SPMIP4: variants seen among roughly 807,000 people sequenced by gnomAD.
SPMIP4 encodes the protein sperm-associated microtubule inner protein 4.
the SPMIP4 span, among the ~76,000 whole-genome samples, chr7:25,161,701 C>T: frequency 0.026 from 3,875 of 148,430 alleles, 146 homozygotes; most frequent in African/African-American, 0.088. Flanking sequence ...ATGATTCTCC[C>T]GCCTCAGCCT....
the SPMIP4 span, chr7:25,168,208 A>T: frequency 1.6e-6 from 2 of 1,220,512 alleles, no homozygotes; most frequent in Non-Finnish European, 2.3e-6. Flanking sequence ...AGACAGATTT[A>T]AGCAAACAAA....
chr7:25,145,056 G>C, the SPMIP4 span, among the ~76,000 whole-genome samples: 1 of 150,212 alleles, frequency 6.7e-6, no homozygotes, highest in Admixed American at 6.7e-5. Flanking sequence ...TATGCCTCCC[G>C]GGTTCAAGTG....
the SPMIP4 span, among the ~76,000 whole-genome samples, chr7:25,150,270 A>G: frequency 6.6e-6 from 1 of 152,238 alleles, no homozygotes; most frequent in Admixed American, 6.5e-5. Context: ...GCCTTTGGCT[A>G]TAAGAACATG....
At chr7:25,164,672 GAA>G in the SPMIP4 span, among the ~76,000 whole-genome samples, 27,747 of 152,214 alleles carry the variant, frequency 0.18, 3,652 homozygotes, top group African/African-American at 0.37. Context: ...AACAGGTGGT[GAA>G]TAAATGAATA....
the SPMIP4 span, chr7:25,154,932 G>A: frequency 1.5e-6 from 2 of 1,357,708 alleles, no homozygotes; most frequent in African/African-American, 1.5e-5. Context: ...AGTCCTTTGT[G>A]CTCCTTGCTT....
At chr7:25,145,338 C>T in the SPMIP4 span, among the ~76,000 whole-genome samples, 1 of 152,162 alleles carries the variant, frequency 6.6e-6, no homozygotes, top group African/African-American at 2.4e-5. Flanking sequence ...GAACTAACAA[C>T]AGAGATCTAC....
At chr7:25,172,708 T>A in the SPMIP4 span, among the ~76,000 whole-genome samples, 1 of 152,128 alleles carries the variant, frequency 6.6e-6, no homozygotes. This position sits in a 1 kb window ranked among gnomAD's most constrained non-coding sequence, Gnocchi z 4.2. Flanking sequence ...TTGGATAAAT[T>A]TGGAGGAATT....
chr7:25,132,783 T>C, the SPMIP4 span, among the ~76,000 whole-genome samples: 2 of 152,198 alleles, frequency 1.3e-5, no homozygotes, highest in Non-Finnish European at 2.9e-5. This position sits in a 1 kb window ranked among gnomAD's most constrained non-coding sequence, Gnocchi z 5.0. Flanking sequence ...AAAGAGTTGC[T>C]TGTGTATAAC....
At chr7:25,168,934 C>A in the SPMIP4 span, among the ~76,000 whole-genome samples, 2 of 150,652 alleles carry the variant, frequency 1.3e-5, no homozygotes, top group African/African-American at 2.4e-5. Flanking sequence ...ACCATGTCGG[C>A]CAGGCTGGTC....
chr7:25,158,593 T>C, the SPMIP4 span: 10 of 1,327,042 alleles, frequency 7.5e-6, no homozygotes, highest in South Asian at 1.2e-4. Context: ...TTTATATCCC[T>C]ATTAGAAACT....
chr7:25,132,722 T>C, the SPMIP4 span, among the ~76,000 whole-genome samples: 1 of 152,188 alleles, frequency 6.6e-6, no homozygotes, highest in South Asian at 2.1e-4. The surrounding 1 kb of genome is among the most constrained non-coding windows in gnomAD (Gnocchi z 5.0). Flanking sequence ...TATCTGTGTA[T>C]ATAAAGGATA....
At chr7:25,143,811 T>C in the SPMIP4 span, among the ~76,000 whole-genome samples, 1 of 152,174 alleles carries the variant, frequency 6.6e-6, no homozygotes, top group Non-Finnish European at 1.5e-5. Flanking sequence ...TTGCCCAGGC[T>C]GGTCTCAAAC....
the SPMIP4 span, chr7:25,142,661 A>C: frequency 6.2e-7 from 1 of 1,612,994 alleles, no homozygotes; most frequent in Non-Finnish European, 8.5e-7. Context: ...TGAGTGTACG[A>C]AGTGAGCCAG....
At chr7:25,151,494 A>C in the SPMIP4 span, 1 of 715,612 alleles carries the variant, frequency 1.4e-6, no homozygotes, top group Non-Finnish European at 2.3e-6. Flanking sequence ...AAGTGCTGGG[A>C]TTATGGGCAT....
chr7:25,133,533 G>C, the SPMIP4 span, among the ~76,000 whole-genome samples: 1 of 152,210 alleles, frequency 6.6e-6, no homozygotes, highest in South Asian at 2.1e-4. Context: ...CTCAGATTGT[G>C]ACCCTTGTAA....
the SPMIP4 span, chr7:25,151,681 T>G: frequency 6.3e-7 from 1 of 1,592,404 alleles, no homozygotes; most frequent in Non-Finnish European, 8.6e-7. Flanking sequence ...TCTATAAGGA[T>G]TACCTGAAAA....
chr7:25,140,633 C>A, the SPMIP4 span, among the ~76,000 whole-genome samples: 1 of 148,840 alleles, frequency 6.7e-6, no homozygotes, highest in Non-Finnish European at 1.5e-5. Context: ...TCTTTTCTCC[C>A]CCCGCCCAGC....
At chr7:25,149,092 G>A in the SPMIP4 span, among the ~76,000 whole-genome samples, 1 of 152,206 alleles carries the variant, frequency 6.6e-6, no homozygotes, top group Non-Finnish European at 1.5e-5. Context: ...GTTACAGTCT[G>A]TTTATGCATC....
the SPMIP4 span, chr7:25,135,094 T>C: frequency 2.6e-6 from 1 of 386,788 alleles, no homozygotes; most frequent in Non-Finnish European, 3.5e-6. Context: ...ATGTTTAAAA[T>C]CTACCTCTTG....
Sources: gnomAD v4.1 joint callset for allele counts (sites outside exome capture counted in the v4.1 genomes callset) on GRCh38, gnomAD v4.1.1 for gene constraint, Gnocchi (gnomAD v3.1) non-coding constraint, MANE v1.5 for transcripts, NCBI Gene and HGNC (gene_info 2026-07-23, HGNC 2026-07-21) for gene names.